Variants in CAMKV observed in about 807,000 individuals in gnomAD.
CAMKV encodes caM kinase-like vesicle-associated protein.
Under a neutral mutation model 50.2 loss-of-function variants are expected in CAMKV, and 5 were observed. That is an observed-to-expected ratio of 0.10 (90% CI 0.05 to 0.21). The LOEUF is 0.21. Among genes scored for constraint, CAMKV ranks in the 10% least tolerant of loss-of-function variants. The probability of loss-of-function intolerance (pLI) is 1.00; values close to 1 mark genes in which losing one functional copy is unlikely to be tolerated. For synonymous variants in CAMKV, 229 were observed against 250.1 expected (o/e 0.92, Z 0.80); for missense variants, 361 against 650.5 (o/e 0.55, Z 4.84).
At position 49,859,151 on chromosome 3, in the gene CAMKV, C is replaced by A. The variant is rs1315810459; in HGVS notation, c.*167G>T. ...TGCCCACCACTCACACACATACACACAGGAGACGAGACTGCTCTCCCGTGA... is the reference window on the plus strand; with the variant it reads ...TGCCCACCACTCACACACATACACAAAGGAGACGAGACTGCTCTCCCGTGA... On this transcript the variant is annotated 3_prime_UTR_variant, in exon 11 of 11. Coordinates refer to ENST00000477224, the MANE Select transcript of CAMKV (RefSeq NM_024046.5). The surrounding 1 kb of genome is among the most constrained non-coding windows in gnomAD (Gnocchi z 5.5). 3 of 606,308 alleles carry A rather than the reference C, an allele frequency of 4.9e-6. No homozygotes were observed. The East Asian group carries it at 8.5e-5, about 17-fold the overall frequency. 37.6% of individuals were successfully genotyped at this position (606,308 alleles called of 1,614,324 possible). A position where few individuals can be genotyped will look rare whatever the true frequency, so the allele number is the denominator to read the frequency against.
rs2082027519 is a variant in CAMKV, at chr3:49,862,229, A to G, written c.96-53T>C. The G allele has an allele frequency of 2.5e-6, 4 of 1,614,064 alleles. No individual in the cohort carries two copies. In the South Asian group the frequency reaches 4.4e-5, roughly 18 times the overall value. ...CTGGCCTTAGCATCAGCTGCACTCC[A>G]CTGCCACTTCCCTAGCCCCTGCTCA... On this transcript the variant is annotated intron_variant, in intron 2 of 10. Transcript: ENST00000477224. The surrounding 1 kb of genome is among the most constrained non-coding windows in gnomAD (Gnocchi z 5.2).
chr3:49,868,716 A>G (rs1440684670), intron 1 of CAMKV, among the ~76,000 whole-genome samples: 1 of 152,156 alleles, frequency 6.6e-6, no homozygotes, highest in Admixed American at 6.5e-5. Flanking sequence ...AGCTGCCAGG[A>G]ATCAACTCTG....
chr3:49,862,202 G>T lies in CAMKV; in HGVS notation c.96-26C>A, dbSNP rs1456640388. On this transcript the variant is annotated intron_variant, in intron 2 of 10. Coordinates refer to ENST00000477224, the MANE Select transcript of CAMKV (RefSeq NM_024046.5). The surrounding 1 kb of genome is among the most constrained non-coding windows in gnomAD (Gnocchi z 5.2). ...CTGCAGCCGACAGGCACCCACTCAG[G>T]CCTGGCCTTAGCATCAGCTGCACTC... 2.5e-6 allele frequency: 4 copies of T among 1,613,998 alleles called. No homozygotes were observed. The African/African-American group carries it at 4.0e-5, about 16-fold the overall frequency.
rs766006880 is a variant in CAMKV, at chr3:49,861,900, G to C, written c.228-35C>G. ...GGGAGGGGAGCCAGTAGTTAGGGCT[G>C]GATGAACCCCTGGGAGAGGCTGTGG... On this transcript the variant is annotated intron_variant, in intron 3 of 10. Transcript: ENST00000477224. This position sits in a 1 kb window ranked among gnomAD's most constrained non-coding sequence, Gnocchi z 7.7. The C allele has an allele frequency of 1.2e-6, 2 of 1,611,574 alleles. No individual in the cohort carries two copies. The highest frequency in any genetic ancestry group is 4.5e-5 in the East Asian group (2 of 44,752).
In CAMKV at chr3:49,860,663, C is replaced by T. The variant is rs1373450703; in HGVS notation, c.775+53G>A. ...ACCACAGAGGAAGATGAGAGCAGGA[C>T]ACCCTCCCCACTCCCTTGCGTTCTA... On this transcript the variant is annotated intron_variant, in intron 8 of 10. Coordinates refer to ENST00000477224, the MANE Select transcript of CAMKV (RefSeq NM_024046.5). The surrounding 1 kb of genome is among the most constrained non-coding windows in gnomAD (Gnocchi z 6.1). 1.9e-6 allele frequency: 3 copies of T among 1,612,186 alleles called. No individual in the cohort carries two copies. The highest frequency in any genetic ancestry group is 1.3e-5 in the African/African-American group (1 of 75,014).
chr3:49,865,856 G>A lies in CAMKV; in HGVS notation c.-14-3454C>T, dbSNP rs948268753. Among the ~76,000 whole-genome samples the A allele has an allele frequency of 5.7e-4, 87 of 152,288 alleles. 1 individual carries two copies. The highest frequency in any genetic ancestry group is 1.3e-3 in the African/African-American group (56 of 41,548). ...CAGCTCCCAGCTTTGCCAGTGTGGC[G>A]TGGGTGGGAGGTTTTGTGCATGCCT... On this transcript the variant is annotated intron_variant, in intron 1 of 10. Coordinates refer to ENST00000477224, the MANE Select transcript of CAMKV (RefSeq NM_024046.5).
rs765879384 is a variant in CAMKV, at chr3:49,859,743, C to T, written c.1081G>A (p.Gly361Arg). The part of the protein sequence containing the change: ...AGGATAAAAS[G>R]ATSAPEGDAA... ...TCACCCTCAGGGGCTGAGGTAGCTC[C>T]ACTCGCAGCTGCAGCTGTGGCCCCA... Residue 361 changes from glycine to arginine, a missense_variant, in exon 11 of 11, where the codon GGA becomes AGA. By Grantham distance (125) the Gly-to-Arg change is moderately radical. Transcript: ENST00000477224. The surrounding 1 kb of genome is among the most constrained non-coding windows in gnomAD (Gnocchi z 5.5). 10 of 1,581,706 alleles carry T rather than the reference C, an allele frequency of 6.3e-6. No individual in the cohort carries two copies. Among genetic ancestry groups the T allele is most frequent in the Non-Finnish European group, 5.2e-6 (6 of 1,163,390 alleles).
chr3:49,860,865 A>T lies in CAMKV; in HGVS notation c.639-13T>A. 1 of 1,614,026 alleles carries T rather than the reference A, an allele frequency of 6.2e-7. No individual in the cohort carries two copies. Among genetic ancestry groups the T allele is most frequent in the South Asian group, 1.1e-5 (1 of 91,082 alleles). On this transcript the variant is annotated splice_polypyrimidine_tract_variant and intron_variant, in intron 7 of 10. Coordinates refer to ENST00000477224, the MANE Select transcript of CAMKV (RefSeq NM_024046.5). This position sits in a 1 kb window ranked among gnomAD's most constrained non-coding sequence, Gnocchi z 6.1. Reference sequence around the variant, plus strand: ...ATTGCCTGAAAGCCTGCATGGGGGAAGGGTCACACAGAAAGGCCACAGACA... The same window carrying T: ...ATTGCCTGAAAGCCTGCATGGGGGATGGGTCACACAGAAAGGCCACAGACA...
chr3:49,866,853 G>A (rs2082069170), intron 1 of CAMKV, among the ~76,000 whole-genome samples: 1 of 152,238 alleles, frequency 6.6e-6, no homozygotes, highest in African/African-American at 2.4e-5. Context: ...CCACATTGGG[G>A]TCCTGTCCCC....
At position 49,859,633 on chromosome 3, in the gene CAMKV, G is replaced by A; in HGVS notation, c.1191C>T (p.Ala397=). 6.2e-7 allele frequency: 1 copy of A among 1,614,136 alleles called. No homozygotes were observed. The highest frequency in any genetic ancestry group is 1.1e-5 in the South Asian group (1 of 91,080). The part of the protein sequence containing the change: ...TPATDGSATP[A]TDGSVTPATD... ...TGGCTGGGGTGACACTGCCATCAGT[G>A]GCTGGGGTGGCACTTCCATCTGTGG... Residue 397 remains alanine (A), a synonymous_variant, in exon 11 of 11, where the codon GCC becomes GCT. Coordinates refer to ENST00000477224, the MANE Select transcript of CAMKV (RefSeq NM_024046.5). This position sits in a 1 kb window ranked among gnomAD's most constrained non-coding sequence, Gnocchi z 5.5.
In CAMKV at chr3:49,862,457, A is replaced by C; in HGVS notation, c.-14-55T>G. The stretch of plus-strand genomic sequence containing the variant: ...GTACTACTCTCCACTTCCCCACAAC[A>C]TAGGGGCTGCTTTTGGGAGACCCCA... On this transcript the variant is annotated intron_variant, in intron 1 of 10. Transcript: ENST00000477224. This position sits in a 1 kb window ranked among gnomAD's most constrained non-coding sequence, Gnocchi z 5.2. 8.2e-6 allele frequency: 12 copies of C among 1,462,028 alleles called. No homozygotes were observed. The highest frequency in any genetic ancestry group is 1.7e-5 in the Admixed American group (1 of 59,624). The allele number at this position is 1,462,028 out of a possible 1,614,324, so 90.6% of individuals were successfully genotyped here.
chr3:49,860,395 T>C lies in CAMKV; in HGVS notation c.854+76A>G. The C allele has an allele frequency of 6.4e-7, 1 of 1,564,070 alleles. No homozygotes were observed. Among genetic ancestry groups the C allele is most frequent in the Non-Finnish European group, 8.8e-7 (1 of 1,139,922 alleles). ...CTGAGCTCTAGGTACCTGCACCCCTTCCAGGCCTCAAAGATGGGGCTGCTG... is the reference window on the plus strand; with the variant it reads ...CTGAGCTCTAGGTACCTGCACCCCTCCCAGGCCTCAAAGATGGGGCTGCTG... On this transcript the variant is annotated intron_variant, in intron 9 of 10. Coordinates refer to ENST00000477224, the MANE Select transcript of CAMKV (RefSeq NM_024046.5). The surrounding 1 kb of genome is among the most constrained non-coding windows in gnomAD (Gnocchi z 6.1).
chr3:49,862,298 T>C lies in CAMKV; in HGVS notation c.91A>G (p.Lys31Glu). Reference protein sequence around the residue: ...TDRYDLGQVIKTEEFCEIFRA... With the variant: ...TDRYDLGQVIETEEFCEIFRA... ...CCTGACAGGCCCGGCACTCACGTCT[T>C]GATGACCTGTCCCAAATCATATCTG... Residue 31 changes from lysine (K) to glutamate (E), a missense_variant, in exon 2 of 11, where the codon AAG becomes GAG. By Grantham distance (56) the Lys-to-Glu change is moderately conservative. Transcript: ENST00000477224. This position sits in a 1 kb window ranked among gnomAD's most constrained non-coding sequence, Gnocchi z 5.2. 1 of 1,614,224 alleles carries C rather than the reference T, an allele frequency of 6.2e-7. No individual in the cohort carries two copies. The highest frequency in any genetic ancestry group is 8.5e-7 in the Non-Finnish European group (1 of 1,180,040).
chr3:49,864,909 C>T (rs1206137716), intron 1 of CAMKV, among the ~76,000 whole-genome samples: 2 of 152,204 alleles, frequency 1.3e-5, no homozygotes, highest in Admixed American at 6.5e-5. Context: ...AGCCCCATAG[C>T]CAACCCTGGC....
intron 1 of CAMKV, among the ~76,000 whole-genome samples, chr3:49,866,594 G>A (rs1295909895): frequency 6.6e-6 from 1 of 152,244 alleles, no homozygotes; most frequent in African/African-American, 2.4e-5. Flanking sequence ...CTTGTGGGGA[G>A]TGCAGGCCCT....
rs1456640388 is a variant in CAMKV, at chr3:49,862,202, G to A, written c.96-26C>T. The stretch of plus-strand genomic sequence containing the variant: ...CTGCAGCCGACAGGCACCCACTCAG[G>A]CCTGGCCTTAGCATCAGCTGCACTC... On this transcript the variant is annotated intron_variant, in intron 2 of 10. Transcript: ENST00000477224. The surrounding 1 kb of genome is among the most constrained non-coding windows in gnomAD (Gnocchi z 5.2). 6.2e-7 allele frequency: 1 copy of A among 1,614,116 alleles called. No homozygotes were observed. Among genetic ancestry groups the A allele is most frequent in the Non-Finnish European group, 8.5e-7 (1 of 1,180,034 alleles).
At chr3:49,867,187 G>A (rs2082071741) in intron 1 of CAMKV, among the ~76,000 whole-genome samples, 2 of 152,252 alleles carry the variant, frequency 1.3e-5, no homozygotes, top group Admixed American at 1.3e-4. Context: ...GTCACCCACA[G>A]GACCAGGGGA....
Position 49,861,517 on chromosome 3 carries a change from G to A in CAMKV, c.363C>T (p.Asp121=). 2 of 1,614,178 alleles carry A rather than the reference G, an allele frequency of 1.2e-6. No homozygotes were observed. The highest frequency in any genetic ancestry group is 1.7e-6 in the Non-Finnish European group (2 of 1,180,044). ...GGACTTGCCGTACCACGTTGCTTGT[G>A]TCTCGCTCCGAGTAGTAGCCCTGGT... is the stretch of plus-strand genomic sequence containing the variant. ...ILDQGYYSER[D]TSNVVRQVLE... is the part of the protein sequence containing the mutation. The change falls in exon 5 of 11, where the codon GAC becomes GAT. Residue 121 remains aspartate, a synonymous_variant. Transcript: ENST00000477224. This position sits in a 1 kb window ranked among gnomAD's most constrained non-coding sequence, Gnocchi z 7.7.
Position 49,859,960 on chromosome 3 carries a change from T to C in CAMKV, c.943-79A>G. 7.3e-7 allele frequency: 1 copy of C among 1,366,186 alleles called. No homozygotes were observed. Among genetic ancestry groups the C allele is most frequent in the Non-Finnish European group, 9.8e-7 (1 of 1,019,428 alleles). The allele number at this position is 1,366,186 out of a possible 1,614,324, so 84.6% of individuals were successfully genotyped here. A position where few individuals can be genotyped will look rare whatever the true frequency, so the allele number is the denominator to read the frequency against. On this transcript the variant is annotated intron_variant, in intron 10 of 10. Coordinates refer to ENST00000477224, the MANE Select transcript of CAMKV (RefSeq NM_024046.5). The surrounding 1 kb of genome is among the most constrained non-coding windows in gnomAD (Gnocchi z 5.5). ...CTTGGCAGTGACCAAACCAAACTCC[T>C]TCCATAGTACCCCCGGCCACCTCCA...
Sources: allele counts gnomAD v4.1 joint callset (sites outside exome capture counted in the v4.1 genomes callset), GRCh38; gene constraint gnomAD v4.1.1; non-coding constraint Gnocchi (gnomAD v3.1); transcripts MANE v1.5; gene names NCBI Gene and HGNC (gene_info 2026-07-23, HGNC 2026-07-21).